Variants in CACNA2D3 observed in about 807,000 individuals in gnomAD.
The protein encoded by CACNA2D3 is calcium voltage-gated channel auxiliary subunit alpha2delta 3.
In CACNA2D3, 60 loss-of-function variants were observed where a neutral mutation model predicts 160.6. The observed-to-expected ratio is 0.37, with a 90% CI of 0.30 to 0.46. CACNA2D3 has a LOEUF of 0.46. Among genes scored for constraint, CACNA2D3 ranks in the 20% least tolerant of loss-of-function variants. The pLI is 1.00. For synonymous variants in CACNA2D3, 558 were observed against 492.9 expected, an observed-to-expected ratio of 1.13 and a Z score of -1.75; for missense variants, 1,205 against 1,365.0, an observed-to-expected ratio of 0.88 and a Z score of 1.85.
At chr3:54,837,041 G>C (rs1559600093) in intron 14 of CACNA2D3, 118 bp from the exon 15 acceptor site, 1 of 816,472 alleles carries the variant, frequency 1.2e-6, no homozygotes, top group Non-Finnish European at 2.1e-6. Context: ...GGCTTGAGTG[G>C]GCACTGTTCC....
intron 33 of CACNA2D3, among the ~76,000 whole-genome samples, 170 bp downstream of exon 33, chr3:55,008,012 ATCT>A (rs1176395809): frequency 6.6e-6 from 1 of 152,342 alleles, no homozygotes; most frequent in East Asian, 1.9e-4. Flanking sequence ...CCAAAAAATG[ATCT>A]TCTATTAAGT....
chr3:54,911,298 C>T (rs1184840963), intron 27 of CACNA2D3, among the ~76,000 whole-genome samples: 2 of 149,156 alleles, frequency 1.3e-5, no homozygotes, highest in Non-Finnish European at 3.0e-5. Context: ...TCTTCTTCCT[C>T]TTCCTCCCCT....
At chr3:54,605,652 T>C (rs1559524672) in intron 9 of CACNA2D3, among the ~76,000 whole-genome samples, 1 of 152,150 alleles carries the variant, frequency 6.6e-6, no homozygotes. Flanking sequence ...CTCCCCATTA[T>C]TGCCCCCACC....
At chr3:54,997,397 C>A (rs940081648) in intron 31 of CACNA2D3, among the ~76,000 whole-genome samples, 1 of 151,996 alleles carries the variant, frequency 6.6e-6, no homozygotes, top group African/African-American at 2.4e-5. Flanking sequence ...TGCTAGGTAT[C>A]ATCATGTATA....
chr3:54,491,408 C>A (rs1384987010), intron 4 of CACNA2D3, among the ~76,000 whole-genome samples: 1 of 152,208 alleles, frequency 6.6e-6, no homozygotes, highest in Non-Finnish European at 1.5e-5. Context: ...GACAGGGAAG[C>A]AGAAGCCACC....
intron 5 of CACNA2D3, among the ~76,000 whole-genome samples, chr3:54,532,755 T>A (rs1701825582): frequency 6.6e-6 from 1 of 152,240 alleles, no homozygotes; most frequent in Admixed American, 6.5e-5. Flanking sequence ...AGTGCTGCAA[T>A]AAACATTTGG....
intron 4 of CACNA2D3, among the ~76,000 whole-genome samples, chr3:54,410,768 T>C (rs554027832): frequency 6.6e-6 from 1 of 152,308 alleles, no homozygotes; most frequent in South Asian, 2.1e-4. Context: ...AGTCCACGGA[T>C]CAGGGAGTAA....
intron 14 of CACNA2D3, among the ~76,000 whole-genome samples, chr3:54,832,056 C>CACGT: frequency 6.8e-6 from 1 of 146,244 alleles, no homozygotes; most frequent in Non-Finnish European, 1.5e-5. Context: ...CACACACACA[C>CACGT]GTCTCTCCTC....
intron 13 of CACNA2D3, among the ~76,000 whole-genome samples, chr3:54,799,523 G>C (rs1702937953): frequency 6.6e-6 from 1 of 152,196 alleles, no homozygotes; most frequent in Admixed American, 6.5e-5. Flanking sequence ...TGGTTCAGCA[G>C]TTTGTCAGCT....
At chr3:54,778,618 C>T (rs866105769) in intron 13 of CACNA2D3, among the ~76,000 whole-genome samples, 2 of 152,154 alleles carry the variant, frequency 1.3e-5, no homozygotes, top group Non-Finnish European at 2.9e-5. Context: ...AAACTTTTTG[C>T]CACTGAACTT....
At chr3:54,171,877 C>A (rs1403626426) in intron 2 of CACNA2D3, among the ~76,000 whole-genome samples, 1 of 152,214 alleles carries the variant, frequency 6.6e-6, no homozygotes, top group African/African-American at 2.4e-5. Context: ...TTCTGTCCTT[C>A]CTGTCTGTCT....
At chr3:54,183,891 A>AG (rs1700829765) in intron 2 of CACNA2D3, among the ~76,000 whole-genome samples, 1 of 112,034 alleles carries the variant, frequency 8.9e-6, no homozygotes, top group Non-Finnish European at 1.9e-5. Flanking sequence ...GTCTCAAAAA[A>AG]GAAAAAAAAA....
At chr3:54,255,028 G>A (rs1295619408) in intron 2 of CACNA2D3, among the ~76,000 whole-genome samples, 1 of 152,222 alleles carries the variant, frequency 6.6e-6, no homozygotes, top group African/African-American at 2.4e-5. Context: ...TTAATATTTG[G>A]TTGCTGAGGG....
chr3:54,304,667 G>A (rs1703556549), intron 2 of CACNA2D3, among the ~76,000 whole-genome samples: 1 of 152,068 alleles, frequency 6.6e-6, no homozygotes, highest in African/African-American at 2.4e-5. Flanking sequence ...AAAAAGTCTC[G>A]TTTTACCTTC....
intron 16 of CACNA2D3, among the ~76,000 whole-genome samples, chr3:54,839,594 T>A (rs535158958): frequency 1.6e-3 from 249 of 152,262 alleles, no homozygotes; most frequent in African/African-American, 5.9e-3. Flanking sequence ...CCACTCAGAT[T>A]AACGAGGGTT....
intron 9 of CACNA2D3, among the ~76,000 whole-genome samples, chr3:54,589,556 G>GA (rs34059644): frequency 0.2 from 30,571 of 150,166 alleles, 3,426 homozygotes; most frequent in Middle Eastern, 0.32. Flanking sequence ...TCATTAAAAT[G>GA]AAAAAAAAAG....
At chr3:54,496,411 T>G (rs187985282) in intron 4 of CACNA2D3, among the ~76,000 whole-genome samples, 1 of 152,314 alleles carries the variant, frequency 6.6e-6, no homozygotes, top group Admixed American at 6.5e-5. Context: ...CTAATGACAT[T>G]GAACACATGT....
intron 2 of CACNA2D3, among the ~76,000 whole-genome samples, chr3:54,163,838 A>T (rs547449254): frequency 1.3e-5 from 2 of 152,354 alleles, no homozygotes; most frequent in South Asian, 4.1e-4. Context: ...CACACCAGGC[A>T]TGATGTCAGG....
chr3:54,822,815 CTTTCTTTCTTTCTTTCT>C lies in CACNA2D3; in HGVS notation c.1398+5965_1398+5981del, dbSNP rs1559595764. On this transcript the variant is annotated intron_variant, in intron 14 of 37. Coordinates refer to ENST00000474759, the MANE Select transcript of CACNA2D3 (RefSeq NM_018398.3). ...CCTTTCTTTCTTTCTTTCTTTCTTT[CTTTCTTTCTTTCTTTCT>C]TTTCTTTCTTTCTTTCTTTCTTTCT... Among the ~76,000 whole-genome samples the C allele has an allele frequency of 9.7e-4, 102 of 104,746 alleles. 2 individuals are homozygous for C. The highest frequency in any genetic ancestry group is 1.3e-3 in the Non-Finnish European group (72 of 54,602). The allele number at this position is 104,746 out of a possible 152,430, so 68.7% of individuals were successfully genotyped here. A position where few individuals can be genotyped will look rare whatever the true frequency, so the allele number is the denominator to read the frequency against.
Sources: allele counts gnomAD v4.1 joint callset (sites outside exome capture counted in the v4.1 genomes callset), GRCh38; gene constraint gnomAD v4.1.1; transcripts MANE v1.5; gene names NCBI Gene and HGNC (gene_info 2026-07-23, HGNC 2026-07-21).